Variants in DLGAP1 observed in about 807,000 individuals in gnomAD.
The protein encoded by DLGAP1 is disks large-associated protein 1.
Under a neutral mutation model 90.8 loss-of-function variants are expected in DLGAP1, and 11 were observed. The ratio of observed to expected loss-of-function variants is 0.12; its 90% CI spans 0.08 to 0.20. DLGAP1 has a LOEUF of 0.20. DLGAP1 is among the 10% of genes least tolerant of loss of function. The pLI is 1.00. For synonymous variants in DLGAP1, 558 were observed against 540.7 expected (o/e 1.03, Z -0.44); for missense variants, 1,050 against 1,333.8 (o/e 0.79, Z 3.31).
intron 1 of DLGAP1, among the ~76,000 whole-genome samples, chr18:4,274,674 C>T (rs1335561967): frequency 6.6e-6 from 1 of 152,132 alleles, no homozygotes; most frequent in African/African-American, 2.4e-5. Context: ...GAAACTTGCA[C>T]TTGTAATTTA....
chr18:4,027,156 A>G (rs2074713846), intron 2 of DLGAP1, among the ~76,000 whole-genome samples: 1 of 152,054 alleles, frequency 6.6e-6, no homozygotes, highest in African/African-American at 2.4e-5. Flanking sequence ...GGTTTTTGGT[A>G]TATCCTAACA....
At chr18:3,950,666 T>C (rs182371625) in intron 3 of DLGAP1, among the ~76,000 whole-genome samples, 242 of 152,350 alleles carry the variant, frequency 1.6e-3, no homozygotes, top group Non-Finnish European at 2.7e-3. Context: ...GAAGTGGTGA[T>C]GGCACTGGAA....
intron 1 of DLGAP1, among the ~76,000 whole-genome samples, chr18:4,421,343 T>C (rs1427817186): frequency 6.6e-6 from 1 of 152,136 alleles, no homozygotes; most frequent in Non-Finnish European, 1.5e-5. Context: ...TAAGGATACA[T>C]GCAATTACAC....
Position 4,421,249 on chromosome 18 carries a change from C to T in DLGAP1, c.-267+33757G>A, listed in dbSNP as rs113020529. On this transcript the variant is annotated intron_variant, in intron 1 of 12. Transcript: ENST00000315677. ...CTGTCAGTATTCCTTGGCTTGTAGC[C>T]ACATCTCTCTCTCTCTCTGCTCTGT... 3.1e-3 allele frequency among the ~76,000 whole-genome samples: 474 copies of T among 152,124 alleles called. 2 individuals carry two copies. The highest frequency in any genetic ancestry group is 0.011 in the African/African-American group (439 of 41,478).
intron 4 of DLGAP1, among the ~76,000 whole-genome samples, chr18:3,862,012 T>C (rs1235507044): frequency 6.6e-6 from 1 of 152,206 alleles, no homozygotes; most frequent in African/African-American, 2.4e-5. Flanking sequence ...CACTTGTACA[T>C]CAATCATGTT....
intron 4 of DLGAP1, among the ~76,000 whole-genome samples, chr18:3,818,593 G>T (rs992434516): frequency 3.4e-5 from 5 of 149,028 alleles, no homozygotes; most frequent in African/African-American, 4.9e-5. Context: ...CATATTGAAA[G>T]AACTATTTCA....
At chr18:3,885,976 T>C (rs1308450289) in intron 3 of DLGAP1, among the ~76,000 whole-genome samples, 1 of 152,226 alleles carries the variant, frequency 6.6e-6, no homozygotes, top group Non-Finnish European at 1.5e-5. Flanking sequence ...TAGAAGATGC[T>C]GACAAAGGGG....
intron 1 of DLGAP1, among the ~76,000 whole-genome samples, chr18:4,170,879 G>A (rs2077011697): frequency 6.6e-6 from 1 of 152,008 alleles, no homozygotes; most frequent in Non-Finnish European, 1.5e-5. Context: ...CTTTTGATGG[G>A]GGTTATATAC....
At chr18:3,902,278 T>C (rs2071801287) in intron 3 of DLGAP1, among the ~76,000 whole-genome samples, 1 of 152,220 alleles carries the variant, frequency 6.6e-6, no homozygotes. Context: ...TTAAGGTTAA[T>C]TTTATCCCAA....
chr18:3,690,101 T>TG (rs1475170456), intron 7 of DLGAP1, among the ~76,000 whole-genome samples: 95 of 104,838 alleles, frequency 9.1e-4, no homozygotes, highest in African/African-American at 3.4e-3. Flanking sequence ...GAGGTTTTTT[T>TG]TTTTTTTTTT....
At chr18:4,212,730 A>G (rs1017783717) in intron 1 of DLGAP1, among the ~76,000 whole-genome samples, 1 of 152,110 alleles carries the variant, frequency 6.6e-6, no homozygotes, top group Non-Finnish European at 1.5e-5. Flanking sequence ...CCCTCATAAT[A>G]CAAATATTCT....
In DLGAP1 at chr18:3,629,216, T is replaced by G. The variant is rs1471054407; in HGVS notation, c.1592-46968A>C. On this transcript the variant is annotated intron_variant, in intron 7 of 12. Transcript: ENST00000315677. ...GGAGGCCAAGACAGGAGTTTGAGAC[T>G]AGCCTGGGTAACACAGCAAGACGCC... Among the ~76,000 whole-genome samples the G allele has an allele frequency of 3.3e-5, 5 of 151,844 alleles. No individual in the cohort carries two copies. In the East Asian group the frequency reaches 5.8e-4, roughly 18 times the overall value.
At chr18:3,568,845 C>T (rs1044865660) in intron 8 of DLGAP1, among the ~76,000 whole-genome samples, 4 of 152,106 alleles carry the variant, frequency 2.6e-5, no homozygotes, top group Non-Finnish European at 4.4e-5. Context: ...CGCCACCACG[C>T]CTGGCTAATT....
At chr18:3,684,614 T>C (rs932230233) in intron 7 of DLGAP1, among the ~76,000 whole-genome samples, 1 of 152,196 alleles carries the variant, frequency 6.6e-6, no homozygotes, top group Non-Finnish European at 1.5e-5. Flanking sequence ...ATTCCAATGC[T>C]ATAGGAACTA....
chr18:3,665,295 GAAGA>G (rs4066029), intron 7 of DLGAP1, among the ~76,000 whole-genome samples: 214 of 150,696 alleles, frequency 1.4e-3, no homozygotes, highest in African/African-American at 4.9e-3. Context: ...TCTAAAAATG[GAAGA>G]AATAATTGCT....
intron 2 of DLGAP1, among the ~76,000 whole-genome samples, chr18:4,112,941 ATTC>A (rs1488418458): frequency 2.0e-5 from 3 of 146,482 alleles, no homozygotes; most frequent in Non-Finnish European, 3.0e-5. Context: ...ACATGATTTT[ATTC>A]TTTTTTTTAT....
chr18:4,073,071 C>T (rs1257465544), intron 2 of DLGAP1, among the ~76,000 whole-genome samples: 1 of 152,102 alleles, frequency 6.6e-6, no homozygotes, highest in Non-Finnish European at 1.5e-5. Context: ...AACAGTGGCA[C>T]ATAATCATGG....
Position 4,172,097 on chromosome 18 carries a change from T to C in DLGAP1, c.-266-20810A>G, listed in dbSNP as rs187988940. Among the ~76,000 whole-genome samples, 15 of 152,330 alleles carry C rather than the reference T, an allele frequency of 9.8e-5. No homozygotes were observed. The South Asian group carries it at 2.1e-3, about 21-fold the overall frequency. On this transcript the variant is annotated intron_variant, in intron 1 of 12. Coordinates refer to ENST00000315677, the MANE Select transcript of DLGAP1 (RefSeq NM_004746.4). ...TTTTGTAATTCTCTGAAATACTCAA[T>C]AACATCATCATATTTCAGAGGCAAA...
chr18:3,693,986 C>T (rs572621259), intron 7 of DLGAP1, among the ~76,000 whole-genome samples: 28 of 152,130 alleles, frequency 1.8e-4, no homozygotes, highest in African/African-American at 6.5e-4. Flanking sequence ...ACCCATCAAC[C>T]CATTGTCTAC....
Sources: gnomAD v4.1 joint callset for allele counts (sites outside exome capture counted in the v4.1 genomes callset) on GRCh38, gnomAD v4.1.1 for gene constraint, MANE v1.5 for transcripts, NCBI Gene and HGNC (gene_info 2026-07-23, HGNC 2026-07-21) for gene names.